RARB: variants seen among roughly 807,000 people sequenced by gnomAD.
RARB encodes HBV-activated protein.
In RARB, 17 loss-of-function variants were observed where a neutral mutation model predicts 51.9. The observed-to-expected ratio is 0.33, with a 90% CI of 0.22 to 0.49. The LOEUF is 0.49. RARB is among the 20% of genes least tolerant of loss of function. The pLI, the probability that RARB is intolerant of heterozygous loss-of-function variation, is 0.99. For synonymous variants in RARB, 215 were observed against 195.4 expected (o/e 1.10, Z -0.84); for missense variants, 369 against 550.8 (o/e 0.67, Z 3.30).
Position 25,260,053 on chromosome 3 carries a change from T to C in RARB, c.178+85478T>C, listed in dbSNP as rs58378724. On this transcript the variant is annotated intron_variant, in intron 5 of 11. Coordinates refer to the RARB transcript ENST00000383772. Reference sequence around the variant, plus strand: ...CTCCTTCCCCCATGGTGTGAGTTCGTGTGTGGCTGGTTTTCTTGGGCACAA... The same window carrying C: ...CTCCTTCCCCCATGGTGTGAGTTCGCGTGTGGCTGGTTTTCTTGGGCACAA... 7.0e-4 allele frequency: 662 copies of C among 947,764 alleles called. 16 individuals carry two copies. In the East Asian group the frequency reaches 0.057, roughly 82 times the overall value. 58.7% of individuals were successfully genotyped at this position (947,764 alleles called of 1,614,324 possible).
intron 1 of RARB, among the ~76,000 whole-genome samples, chr3:25,439,517 C>T (rs1314426473): frequency 2.6e-5 from 4 of 152,072 alleles, no homozygotes; most frequent in East Asian, 3.9e-4. Context: ...GCAATCCTCC[C>T]GCCTCAGCCT....
intron 3 of RARB, among the ~76,000 whole-genome samples, chr3:25,075,161 T>G (rs528953828): frequency 2.0e-5 from 3 of 152,168 alleles, no homozygotes; most frequent in Non-Finnish European, 4.4e-5. Context: ...TTCCAGTAAT[T>G]TAGCTAGTGC....
At chr3:25,243,074 T>C (rs1451762824) in intron 5 of RARB, among the ~76,000 whole-genome samples, 5 of 152,192 alleles carry the variant, frequency 3.3e-5, no homozygotes, top group Admixed American at 6.5e-5. Context: ...GTAGCAATTG[T>C]GAATGGGAAT....
chr3:25,214,178 A>T (rs74877313), intron 5 of RARB, among the ~76,000 whole-genome samples: 4,944 of 152,230 alleles, frequency 0.032, 121 homozygotes, highest in Non-Finnish European at 0.043. Context: ...AGGCCAAAGC[A>T]CTCTAGTGGG....
At chr3:25,267,563 A>G (rs1483851) in intron 5 of RARB, among the ~76,000 whole-genome samples, 66,671 of 152,062 alleles carry the variant, frequency 0.44, 15,620 homozygotes, top group East Asian at 0.68. Context: ...TGTTTTTAGA[A>G]TAACTTTCTG....
intron 1 of RARB, among the ~76,000 whole-genome samples, chr3:24,842,698 A>T (rs1202954948): frequency 1.3e-5 from 2 of 152,044 alleles, no homozygotes; most frequent in Admixed American, 1.3e-4. Context: ...CTCTATACCC[A>T]TTTTCTTTAA....
intron 1 of RARB, among the ~76,000 whole-genome samples, chr3:24,835,091 A>G (rs897159693): frequency 3.3e-5 from 5 of 152,146 alleles, no homozygotes; most frequent in African/African-American, 1.2e-4. Context: ...ATAAAAATAT[A>G]TGTGTGAGTT....
At chr3:25,525,447 C>A (rs1330058445) in intron 3 of RARB, among the ~76,000 whole-genome samples, 6 of 152,162 alleles carry the variant, frequency 3.9e-5, no homozygotes, top group African/African-American at 1.4e-4. Context: ...GAAATTTCAC[C>A]TTCATTGTCT....
At chr3:25,073,363 G>A (rs968332260) in intron 3 of RARB, among the ~76,000 whole-genome samples, 1 of 152,124 alleles carries the variant, frequency 6.6e-6, no homozygotes, top group East Asian at 1.9e-4. Flanking sequence ...TTCAATGCAG[G>A]TCATCACTTG....
In RARB at chr3:25,597,032, C is replaced by T. The variant is rs1459691567; in HGVS notation, c.*416C>T. The T allele has an allele frequency of 6.3e-6, 1 of 158,184 alleles. No homozygotes were observed. The highest frequency in any genetic ancestry group is 1.4e-5 in the Non-Finnish European group (1 of 71,410). 9.8% of individuals were successfully genotyped at this position (158,184 alleles called of 1,614,324 possible). ...TTGCATACTCAAAATAACCATGACA[C>T]CAAGGTTATGAAATAGACTACTGTA... On this transcript the variant is annotated 3_prime_UTR_variant, in exon 8 of 8. Transcript: ENST00000330688.
At chr3:24,893,335 A>G (rs1179006753) in intron 2 of RARB, among the ~76,000 whole-genome samples, 1 of 152,234 alleles carries the variant, frequency 6.6e-6, no homozygotes, top group Non-Finnish European at 1.5e-5. Context: ...AAATTGAGGA[A>G]TAAAATAAAC....
intron 1 of RARB, among the ~76,000 whole-genome samples, chr3:25,437,117 C>CTTT (rs35238900): frequency 1.6e-4 from 23 of 139,638 alleles, no homozygotes; most frequent in Admixed American, 4.3e-4. Context: ...TAAAAGCAAA[C>CTTT]TTTTTTTTTT....
At chr3:25,413,009 A>T (rs1394477609) in intron 5 of RARB, among the ~76,000 whole-genome samples, 2 of 151,962 alleles carry the variant, frequency 1.3e-5, no homozygotes, top group African/African-American at 2.4e-5. Flanking sequence ...ACAAGAGCAA[A>T]ATTCCATCTT....
chr3:24,943,479 T>C (rs1695712689), intron 2 of RARB, among the ~76,000 whole-genome samples: 1 of 152,212 alleles, frequency 6.6e-6, no homozygotes, highest in Non-Finnish European at 1.5e-5. Flanking sequence ...GGCCATATGT[T>C]AGCACTAATT....
rs545987415 is a variant in RARB at position 24,898,811 on chromosome 3, C to T, written c.-380+40059C>T. Among the ~76,000 whole-genome samples the T allele has an allele frequency of 3.2e-4, 48 of 152,188 alleles. No individual in the cohort carries two copies. In the East Asian group the frequency reaches 3.5e-3, roughly 11 times the overall value. On this transcript the variant is annotated intron_variant, in intron 2 of 11. Transcript: ENST00000383772. Reference sequence around the variant, plus strand: ...CATTTGGCTTTTGTCCTTCCTGTTGCGAAATATGGCTGCTTCTCCACCAGG... The same window carrying T: ...CATTTGGCTTTTGTCCTTCCTGTTGTGAAATATGGCTGCTTCTCCACCAGG...
At chr3:25,524,261 T>C (rs377675839) in intron 3 of RARB, among the ~76,000 whole-genome samples, 20 of 152,162 alleles carry the variant, frequency 1.3e-4, no homozygotes, top group African/African-American at 4.6e-4. Context: ...TACAACCAAA[T>C]AATAATGACC....
chr3:25,449,429 A>C (rs1164559676), intron 1 of RARB, among the ~76,000 whole-genome samples: 2 of 152,008 alleles, frequency 1.3e-5, no homozygotes, highest in East Asian at 3.9e-4. Context: ...TGAATTTTCC[A>C]GTTTTACTTT....
intron 3 of RARB, among the ~76,000 whole-genome samples, chr3:25,537,777 AT>A (rs1279898181): frequency 6.6e-6 from 1 of 152,164 alleles, no homozygotes. Flanking sequence ...TTTAACTATA[AT>A]CAAAATGAAG....
At chr3:25,364,689 T>C (rs1431364453) in intron 5 of RARB, among the ~76,000 whole-genome samples, 59 of 152,240 alleles carry the variant, frequency 3.9e-4, no homozygotes, top group Non-Finnish European at 8.8e-5. Flanking sequence ...TGAAGGTTGT[T>C]TCTATTTGAC....
Sources: gnomAD v4.1 joint callset for allele counts (sites outside exome capture counted in the v4.1 genomes callset) on GRCh38, gnomAD v4.1.1 for gene constraint, MANE v1.5 for transcripts, NCBI Gene and HGNC (gene_info 2026-07-23, HGNC 2026-07-21) for gene names.